PLAG1: variants seen among roughly 807,000 people sequenced by gnomAD.
The protein encoded by PLAG1 is zinc finger protein PLAG1.
A neutral mutation model predicts 35.5 loss-of-function variants in PLAG1; 7 were observed. The observed-to-expected ratio is 0.20, with a 90% CI of 0.11 to 0.37. PLAG1 has a LOEUF of 0.37. Among genes scored for constraint, PLAG1 ranks in the 10% least tolerant of loss-of-function variants. The pLI is 1.00. For synonymous variants in PLAG1, 229 were observed against 225.4 expected (o/e 1.02, Z -0.14); for missense variants, 454 against 602.8 (o/e 0.75, Z 2.58).
intron 1 of PLAG1, among the ~76,000 whole-genome samples, chr8:56,199,089 G>A (rs866788686): frequency 6.6e-6 from 1 of 152,220 alleles, no homozygotes; most frequent in South Asian, 2.1e-4. Context: ...CGCAGGAGTG[G>A]GAACGGGTGC....
intron 1 of PLAG1, among the ~76,000 whole-genome samples, chr8:56,188,712 C>G (rs999672110): frequency 1.1e-4 from 16 of 152,128 alleles, no homozygotes; most frequent in Non-Finnish European, 5.9e-5. Flanking sequence ...GATTTTTTAC[C>G]TTTCTTTAAC....
At position 56,210,285 on chromosome 8, in the gene PLAG1, T is replaced by A. The variant is rs77563193; in HGVS notation, c.-322+836A>T. ...TTTTTAGGGATTTTTTGCGATTTTTTAAAAATTTTTATTTGGTTATATGCC... is the reference window on the plus strand; with the variant it reads ...TTTTTAGGGATTTTTTGCGATTTTTAAAAAATTTTTATTTGGTTATATGCC... On this transcript the variant is annotated intron_variant, in intron 1 of 4. Coordinates refer to ENST00000316981, the MANE Select transcript of PLAG1 (RefSeq NM_002655.3). 2.6e-3 allele frequency among the ~76,000 whole-genome samples: 391 copies of A among 152,314 alleles called. 1 individual carries two copies. The highest frequency in any genetic ancestry group is 8.0e-3 in the African/African-American group (333 of 41,564).
intron 2 of PLAG1, among the ~76,000 whole-genome samples, chr8:56,175,256 T>C (rs1811650646): frequency 6.6e-6 from 1 of 152,224 alleles, no homozygotes; most frequent in Admixed American, 6.5e-5. Flanking sequence ...TACAAGTAGA[T>C]AACATCAGTC....
intron 1 of PLAG1, among the ~76,000 whole-genome samples, chr8:56,209,002 G>T (rs1364224147): frequency 6.6e-6 from 1 of 152,158 alleles, no homozygotes; most frequent in East Asian, 1.9e-4. Context: ...TCCCCCTAAA[G>T]AAATGCCTAC....
intron 1 of PLAG1, among the ~76,000 whole-genome samples, chr8:56,186,134 G>A (rs1177702604): frequency 6.6e-6 from 1 of 152,174 alleles, no homozygotes. Context: ...CAAGAAGGGT[G>A]AAGGAGCCAT....
At chr8:56,202,260 G>A (rs1320188632) in intron 1 of PLAG1, among the ~76,000 whole-genome samples, 1 of 152,174 alleles carries the variant, frequency 6.6e-6, no homozygotes, top group African/African-American at 2.4e-5. Flanking sequence ...CACAGAACCA[G>A]AGTATACCAC....
rs1450804396 is a variant in PLAG1, at chr8:56,187,427, C to T, written c.-321-7914G>A. The stretch of plus-strand genomic sequence containing the variant: ...AATCAGAACTAGGCTTGAATCCTGT[C>T]TGACCTTCACTATCTGTGTAACTAC... On this transcript the variant is annotated intron_variant, in intron 1 of 4. Coordinates refer to ENST00000316981, the MANE Select transcript of PLAG1 (RefSeq NM_002655.3). Among the ~76,000 whole-genome samples, 3 of 152,228 alleles carry T rather than the reference C, an allele frequency of 2.0e-5. No individual in the cohort carries two copies. In the East Asian group the frequency reaches 5.8e-4, roughly 29 times the overall value.
chr8:56,189,808 T>C (rs1812130258), intron 1 of PLAG1, among the ~76,000 whole-genome samples: 1 of 151,954 alleles, frequency 6.6e-6, no homozygotes, highest in Non-Finnish European at 1.5e-5. Flanking sequence ...GGGGAGTGCG[T>C]CCCAGTCGGG....
At chr8:56,211,040 G>C (rs1192178607) in intron 1 of PLAG1, 81 bp downstream of exon 1, 1 of 149,658 alleles carries the variant, frequency 6.7e-6, no homozygotes, top group South Asian at 2.2e-4. Flanking sequence ...CTGCCCCCTC[G>C]GCTAGTCCCA....
At chr8:56,210,781 G>A (rs181511446) in intron 1 of PLAG1, among the ~76,000 whole-genome samples, 15 of 151,458 alleles carry the variant, frequency 9.9e-5, no homozygotes, top group Admixed American at 9.2e-4. Flanking sequence ...GGAGGAGGAG[G>A]AGGAGGAGGA....
At chr8:56,171,487 A>G (rs1429971466) in intron 2 of PLAG1, 1 of 152,238 alleles carries the variant, frequency 6.6e-6, no homozygotes, top group African/African-American at 2.4e-5. Context: ...TTACCTACTG[A>G]AATGGATATT....
intron 2 of PLAG1, among the ~76,000 whole-genome samples, chr8:56,178,382 A>G (rs547566913): frequency 6.1e-5 from 9 of 147,564 alleles, no homozygotes; most frequent in African/African-American, 2.1e-4. Flanking sequence ...TAGAAAAAGA[A>G]AAAAAAAATC....
intron 1 of PLAG1, among the ~76,000 whole-genome samples, chr8:56,181,080 A>G (rs1811851290): frequency 1.3e-5 from 2 of 152,230 alleles, no homozygotes; most frequent in South Asian, 4.1e-4. Context: ...GATGCTGGAG[A>G]GGATGTGGAG....
intron 1 of PLAG1, among the ~76,000 whole-genome samples, chr8:56,180,178 G>T (rs1014357594): frequency 6.6e-6 from 1 of 152,166 alleles, no homozygotes; most frequent in East Asian, 1.9e-4. Context: ...TATGAAGACT[G>T]ATCTCTAGGG....
chr8:56,177,581 T>A (rs1811738643), intron 2 of PLAG1, among the ~76,000 whole-genome samples: 1 of 152,204 alleles, frequency 6.6e-6, no homozygotes, highest in Admixed American at 6.5e-5. Flanking sequence ...CTGTCTGACC[T>A]GTCTCTCCCC....
At chr8:56,184,501 A>C (rs1811962540) in intron 1 of PLAG1, among the ~76,000 whole-genome samples, 1 of 152,216 alleles carries the variant, frequency 6.6e-6, no homozygotes, top group Admixed American at 6.5e-5. Flanking sequence ...GAGATCTGAA[A>C]ACATAGGTCT....
At position 56,167,143 on chromosome 8, in the gene PLAG1, C is replaced by G. The variant is rs1208444414; in HGVS notation, c.603G>C (p.Arg201=). 4 of 1,614,042 alleles carry G rather than the reference C, an allele frequency of 2.5e-6. No homozygotes were observed. The highest frequency in any genetic ancestry group is 1.3e-5 in the African/African-American group (1 of 75,046). ...TTCCAGTGTGCACCACCATGTGTCT[C>G]CGGACATCCTTTCGGGTGTAGAACC... ...DRRFYTRKDV[R]RHMVVHTGRK... Residue 201 remains arginine (R), a synonymous_variant, in exon 5 of 5, where the codon CGG becomes CGC. Transcript: ENST00000316981. The surrounding 1 kb of genome is among the most constrained non-coding windows in gnomAD (Gnocchi z 5.9).
chr8:56,175,514 T>C (rs191843006), intron 2 of PLAG1, among the ~76,000 whole-genome samples: 60 of 152,346 alleles, frequency 3.9e-4, no homozygotes, highest in African/African-American at 1.4e-3. Context: ...AACTACACTA[T>C]TTACTTTCCT....
At chr8:56,171,735 T>C (rs1811530153) in intron 2 of PLAG1, among the ~76,000 whole-genome samples, 2 of 152,170 alleles carry the variant, frequency 1.3e-5, no homozygotes, top group Non-Finnish European at 1.5e-5. Flanking sequence ...GCAAGGATGG[T>C]TGAAATGTAG....
Sources: allele counts gnomAD v4.1 joint callset (sites outside exome capture counted in the v4.1 genomes callset), GRCh38; gene constraint gnomAD v4.1.1; non-coding constraint Gnocchi (gnomAD v3.1); transcripts MANE v1.5; gene names NCBI Gene and HGNC (gene_info 2026-07-23, HGNC 2026-07-21).